Variants in PPP2R2C observed in about 807,000 individuals in gnomAD.
PPP2R2C encodes the protein protein phosphatase 2, regulatory subunit B, gamma.
PPP2R2C carries 10 observed loss-of-function variants against 45.3 expected under a neutral mutation model. That is an observed-to-expected ratio of 0.22 (90% CI 0.14 to 0.37). PPP2R2C has a LOEUF of 0.37. Among genes scored for constraint, PPP2R2C ranks in the 10% least tolerant of loss-of-function variants. The pLI is 1.00. For missense variants in PPP2R2C, 308 were observed against 619.7 expected (o/e 0.50, Z 5.34); for synonymous variants, 257 against 245.4 (o/e 1.05, Z -0.44).
chr4:6,381,749 AC>A (rs764758508), intron 1 of PPP2R2C: 3 of 1,601,810 alleles, frequency 1.9e-6, no homozygotes, highest in Non-Finnish European at 2.6e-6. Context: ...TCACTCAGGA[AC>A]CTCTCCTTAT....
intron 1 of PPP2R2C, among the ~76,000 whole-genome samples, chr4:6,431,197 G>C (rs1719597040): frequency 6.6e-6 from 1 of 152,224 alleles, no homozygotes; most frequent in African/African-American, 2.4e-5. Flanking sequence ...GTGTTTCCCT[G>C]CACCTGGAGG....
intron 1 of PPP2R2C, among the ~76,000 whole-genome samples, chr4:6,402,491 CTCCT>C (rs1382380210): frequency 1.8e-5 from 2 of 111,716 alleles, no homozygotes; most frequent in Non-Finnish European, 3.6e-5. Context: ...CTTTTTCCTT[CTCCT>C]TCCTTCTTTC....
chr4:6,378,977 G>C lies in PPP2R2C; in HGVS notation c.169-405C>G, dbSNP rs754194720. Among the ~76,000 whole-genome samples the C allele has an allele frequency of 6.6e-6, 1 of 151,894 alleles. No individual in the cohort carries two copies. Among genetic ancestry groups the C allele is most frequent in the Non-Finnish European group, 1.5e-5 (1 of 67,994 alleles). On this transcript the variant is annotated intron_variant, in intron 2 of 8. Transcript: ENST00000382599. This position sits in a 1 kb window ranked among gnomAD's most constrained non-coding sequence, Gnocchi z 5.2. Reference sequence around the variant, plus strand: ...AGAGGGGAAGTGACTTCCCAGAGCCGTGAGGTCACTCTCCGGCGAGCACCC... The same window carrying C: ...AGAGGGGAAGTGACTTCCCAGAGCCCTGAGGTCACTCTCCGGCGAGCACCC...
intron 1 of PPP2R2C, among the ~76,000 whole-genome samples, chr4:6,454,680 C>G (rs1720920919): frequency 6.6e-6 from 1 of 152,212 alleles, no homozygotes; most frequent in African/African-American, 2.4e-5. Flanking sequence ...AAATGGTTCT[C>G]ATCACATCAC....
intron 1 of PPP2R2C, among the ~76,000 whole-genome samples, chr4:6,468,913 G>T (rs575074870): frequency 6.6e-6 from 1 of 151,140 alleles, no homozygotes; most frequent in East Asian, 1.9e-4. Flanking sequence ...AGGGTCCAGG[G>T]CCCAGGGCCC....
chr4:6,490,210 G>A (rs755422839), intron 2 of PPP2R2C, among the ~76,000 whole-genome samples: 1 of 152,128 alleles, frequency 6.6e-6, no homozygotes, highest in Non-Finnish European at 1.5e-5. Flanking sequence ...AAGACTCCAA[G>A]CCTTTTGTGG....
At chr4:6,451,667 A>C (rs775076547) in intron 1 of PPP2R2C, among the ~76,000 whole-genome samples, 1 of 152,122 alleles carries the variant, frequency 6.6e-6, no homozygotes, top group Non-Finnish European at 1.5e-5. Flanking sequence ...CAGCCACCCC[A>C]GGTTTGTGTG....
At chr4:6,352,854 G>A (rs1712695739) in intron 5 of PPP2R2C, among the ~76,000 whole-genome samples, 1 of 152,150 alleles carries the variant, frequency 6.6e-6, no homozygotes, top group African/African-American at 2.4e-5. Flanking sequence ...CTTTGCAGAT[G>A]TAGTTAAAGA....
chr4:6,329,455 C>T lies in PPP2R2C; in HGVS notation c.961-102G>A, dbSNP rs1184107220. ...AGCAGCGAGGGTCTGCATGCCCTGA[C>T]ATGGCCCAGCGCAGACCTGCTCATC... On this transcript the variant is annotated intron_variant, in intron 7 of 8. Coordinates refer to ENST00000382599, the MANE Select transcript of PPP2R2C (RefSeq NM_020416.4). The surrounding 1 kb of genome is among the most constrained non-coding windows in gnomAD (Gnocchi z 5.8). The T allele has an allele frequency of 1.0e-6, 1 of 975,292 alleles. No homozygotes were observed. Among genetic ancestry groups the T allele is most frequent in the African/African-American group, 1.6e-5 (1 of 62,612 alleles). The allele number at this position is 975,292 out of a possible 1,614,324, so 60.4% of individuals were successfully genotyped here.
chr4:6,423,562 T>C (rs1719105228), intron 1 of PPP2R2C, among the ~76,000 whole-genome samples: 1 of 152,214 alleles, frequency 6.6e-6, no homozygotes. Context: ...TTAAAGATCT[T>C]ACATACCACT....
At chr4:6,387,228 T>C (rs1716275813) in intron 1 of PPP2R2C, among the ~76,000 whole-genome samples, 1 of 152,000 alleles carries the variant, frequency 6.6e-6, no homozygotes, top group Non-Finnish European at 1.5e-5. Context: ...GTAAAAGACA[T>C]CAATTTACAA....
intron 1 of PPP2R2C, among the ~76,000 whole-genome samples, chr4:6,389,991 A>T (rs1311411758): frequency 6.6e-6 from 1 of 152,124 alleles, no homozygotes; most frequent in Non-Finnish European, 1.5e-5. Flanking sequence ...TGCTGAGCAG[A>T]CGCCCCACCC....
rs1050680880 is a variant in PPP2R2C, at chr4:6,320,706, T to A, written c.*2596A>T. 4 of 152,130 alleles carry A rather than the reference T, an allele frequency of 2.6e-5. No homozygotes were observed. Among genetic ancestry groups the A allele is most frequent in the African/African-American group, 9.7e-5 (4 of 41,306 alleles). The allele number at this position is 152,130 out of a possible 1,614,324, so 9.4% of individuals were successfully genotyped here. A position where few individuals can be genotyped will look rare whatever the true frequency, so the allele number is the denominator to read the frequency against. On this transcript the variant is annotated 3_prime_UTR_variant, in exon 9 of 9. Coordinates refer to ENST00000382599, the MANE Select transcript of PPP2R2C (RefSeq NM_020416.4). ...AAGAATGCACCTATGAGTTACAGAG[T>A]CCAAACTGATCAGGGCTGACAACTT...
chr4:6,364,323 C>T lies in PPP2R2C; in HGVS notation c.625+8200G>A, dbSNP rs559368022. Among the ~76,000 whole-genome samples, 98 of 152,252 alleles carry T rather than the reference C, an allele frequency of 6.4e-4. No homozygotes were observed. Among genetic ancestry groups the T allele is most frequent in the African/African-American group, 2.1e-3 (88 of 41,550 alleles). ...ATGGTGAAGAGCAGGGGGCCGGGAA[C>T]GCTGAGCCCAGGGAGCAAAGGGAGA... On this transcript the variant is annotated intron_variant, in intron 5 of 8. Coordinates refer to ENST00000382599, the MANE Select transcript of PPP2R2C (RefSeq NM_020416.4). This position sits in a 1 kb window ranked among gnomAD's most constrained non-coding sequence, Gnocchi z 5.3.
At chr4:6,552,411 G>A (rs1401604759) in intron 1 of PPP2R2C, among the ~76,000 whole-genome samples, 2 of 152,296 alleles carry the variant, frequency 1.3e-5, no homozygotes, top group South Asian at 2.1e-4. Flanking sequence ...TTCTGGAGGT[G>A]TCCGCATTCC....
chr4:6,483,763 A>G (rs1163983246), intron 2 of PPP2R2C, among the ~76,000 whole-genome samples: 1 of 151,998 alleles, frequency 6.6e-6, no homozygotes, highest in Non-Finnish European at 1.5e-5. Context: ...TTCAAAAAGG[A>G]GATGTTTTTA....
At position 6,423,900 on chromosome 4, in the gene PPP2R2C, TGTTAGG is replaced by T. The variant is rs71173441; in HGVS notation, c.71-42812_71-42807del. 3.6e-3 allele frequency among the ~76,000 whole-genome samples: 555 copies of T among 152,190 alleles called. 4 individuals carry two copies. Among genetic ancestry groups the T allele is most frequent in the African/African-American group, 0.012 (509 of 41,524 alleles). ...GTTAGAATCAAATGTTTTGAGAGTG[TGTTAGG>T]GTTAGGGTTAGGGTTAGGGTTAGTG... On this transcript the variant is annotated intron_variant, in intron 1 of 8. Transcript: ENST00000382599.
At chr4:6,361,836 G>A (rs1486337133) in intron 5 of PPP2R2C, among the ~76,000 whole-genome samples, 1 of 152,200 alleles carries the variant, frequency 6.6e-6, no homozygotes, top group Non-Finnish European at 1.5e-5. Flanking sequence ...TGACTGCTGG[G>A]GCTCCCAGCC....
chr4:6,323,079 CTTTT>C lies in PPP2R2C; in HGVS notation c.*219_*222del. On this transcript the variant is annotated 3_prime_UTR_variant, in exon 9 of 9. Coordinates refer to ENST00000382599, the MANE Select transcript of PPP2R2C (RefSeq NM_020416.4). ...TTTGTGGCGGTGAACGCTTCCTTTCCTTTTTATTTTTTTAAACAGACAATTACTG... is the reference window on the plus strand; with the variant it reads ...TTTGTGGCGGTGAACGCTTCCTTTCCTATTTTTTTAAACAGACAATTACTG... The C allele has an allele frequency of 2.1e-6, 1 of 476,630 alleles. No homozygotes were observed. The highest frequency in any genetic ancestry group is 3.6e-6 in the Non-Finnish European group (1 of 278,880). 29.5% of individuals were successfully genotyped at this position (476,630 alleles called of 1,614,324 possible). A position where few individuals can be genotyped will look rare whatever the true frequency, so the allele number is the denominator to read the frequency against.
Sources: gnomAD v4.1 joint callset for allele counts (sites outside exome capture counted in the v4.1 genomes callset) on GRCh38, gnomAD v4.1.1 for gene constraint, Gnocchi (gnomAD v3.1) non-coding constraint, MANE v1.5 for transcripts, NCBI Gene and HGNC (gene_info 2026-07-23, HGNC 2026-07-21) for gene names.